Variants in CD109 observed in about 807,000 individuals in gnomAD.
The protein encoded by CD109 is CD109 antigen.
A neutral mutation model predicts 165.8 loss-of-function variants in CD109; 149 were observed. The observed-to-expected ratio is 0.90, with a 90% CI of 0.79 to 1.03. CD109 has a LOEUF of 1.03. Ranked by LOEUF, CD109 falls within the 50% of genes least tolerant of loss-of-function variation. The pLI is 0.00. For missense variants in CD109, 1,712 were observed against 1,677.8 expected, an observed-to-expected ratio of 1.02 and a Z score of -0.36; for synonymous variants, 585 against 592.1, an observed-to-expected ratio of 0.99 and a Z score of 0.18.
intron 30 of CD109, among the ~76,000 whole-genome samples, chr6:73,816,995 T>C (rs1007744218): frequency 2.0e-5 from 3 of 152,096 alleles, no homozygotes; most frequent in Non-Finnish European, 4.4e-5. Context: ...AGAAGGGAAA[T>C]GTTTTCATGT....
chr6:73,797,889 T>A (rs1185300119), intron 23 of CD109, among the ~76,000 whole-genome samples: 1 of 152,200 alleles, frequency 6.6e-6, no homozygotes, highest in East Asian at 1.9e-4. Context: ...TTCAGAAGTC[T>A]ATGAAAGTTC....
At chr6:73,772,638 A>G (rs1774083466) in intron 15 of CD109, among the ~76,000 whole-genome samples, 1 of 152,040 alleles carries the variant, frequency 6.6e-6, no homozygotes, top group Non-Finnish European at 1.5e-5. Context: ...CTAGCATTGC[A>G]TAAATGAATC....
chr6:73,727,881 A>G (rs775359290), intron 3 of CD109, among the ~76,000 whole-genome samples: 9 of 152,234 alleles, frequency 5.9e-5, no homozygotes, highest in Non-Finnish European at 1.2e-4. Flanking sequence ...TGATTCAAAG[A>G]GTCTGAGGAC....
In CD109 at chr6:73,700,790, G is replaced by GTTTTTTT. The variant is rs58140668; in HGVS notation, c.247+3241_247+3247dup. 4.5e-4 allele frequency among the ~76,000 whole-genome samples: 23 copies of GTTTTTTT among 51,480 alleles called. 1 individual carries two copies. Among genetic ancestry groups the GTTTTTTT allele is most frequent in the Non-Finnish European group, 6.5e-4 (18 of 27,714 alleles). The allele number at this position is 51,480 out of a possible 152,430, so 33.8% of individuals were successfully genotyped here. A position where few individuals can be genotyped will look rare whatever the true frequency, so the allele number is the denominator to read the frequency against. Reference sequence around the variant, plus strand: ...CTACATTTATTGGGGATTGATTGTAGTTTTTTTTTTTTTTTTTTTTTTTTT... The same window carrying GTTTTTTT: ...CTACATTTATTGGGGATTGATTGTAGTTTTTTTTTTTTTTTTTTTTTTTTTTTTTTTT... On this transcript the variant is annotated intron_variant, in intron 2 of 32. Coordinates refer to ENST00000287097, the MANE Select transcript of CD109 (RefSeq NM_133493.5).
intron 2 of CD109, among the ~76,000 whole-genome samples, chr6:73,707,965 TATATATATATATATATATATATATATA>T (rs1562021810): frequency 0.016 from 20 of 1,284 alleles, no homozygotes; most frequent in South Asian, 0.056. Flanking sequence ...GTTATCTTTA[TATATATATATATATATATATATATATA>T]TATATATATA....
intron 23 of CD109, among the ~76,000 whole-genome samples, chr6:73,799,009 CTTTTTTCTT>C (rs1483985915): frequency 6.6e-6 from 1 of 151,966 alleles, no homozygotes; most frequent in Non-Finnish European, 1.5e-5. Context: ...TCCTTTTCCT[CTTTTTTCTT>C]AGGTTGAATT....
At chr6:73,726,522 G>A (rs1006752513) in intron 3 of CD109, among the ~76,000 whole-genome samples, 1 of 152,050 alleles carries the variant, frequency 6.6e-6, no homozygotes, top group Non-Finnish European at 1.5e-5. Flanking sequence ...TTGGTAACTG[G>A]CATTATTCCT....
chr6:73,789,490 G>C (rs960188385), intron 22 of CD109, among the ~76,000 whole-genome samples: 7 of 151,238 alleles, frequency 4.6e-5, no homozygotes, highest in Non-Finnish European at 8.8e-5. Flanking sequence ...GTCTCGCTCT[G>C]TCGCCCAGGC....
chr6:73,785,099 A>G (rs554501621), intron 19 of CD109, among the ~76,000 whole-genome samples: 1 of 152,350 alleles, frequency 6.6e-6, no homozygotes, highest in African/African-American at 2.4e-5. Flanking sequence ...GGTTGTAATA[A>G]CCAAACAAAA....
At chr6:73,706,632 C>T (rs1015319751) in intron 2 of CD109, among the ~76,000 whole-genome samples, 3 of 152,090 alleles carry the variant, frequency 2.0e-5, no homozygotes, top group Non-Finnish European at 2.9e-5. Flanking sequence ...GACTTTCTTC[C>T]GTTGCAAGGC....
chr6:73,683,189 A>G, the CD109 span, among the ~76,000 whole-genome samples: 1 of 152,182 alleles, frequency 6.6e-6, no homozygotes, highest in Admixed American at 6.5e-5. Flanking sequence ...CCAAACTTCT[A>G]TGCTCTGTAT....
At chr6:73,689,558 C>G in the CD109 span, among the ~76,000 whole-genome samples, 1 of 152,084 alleles carries the variant, frequency 6.6e-6, no homozygotes, top group African/African-American at 2.4e-5. Flanking sequence ...TTTCTTATAT[C>G]CTTACACTAC....
Position 73,828,237 on chromosome 6 carries a change from T to C in CD109, c.*4604T>C, listed in dbSNP as rs1157560661. On this transcript the variant is annotated 3_prime_UTR_variant, in exon 33 of 33. Transcript: ENST00000287097. ...TTTAATTTTTAATGTTGTAATGTTA[T>C]GTTATTGTTAATTGTACTTTATTAT... 6.5e-6 allele frequency: 1 copy of C among 154,480 alleles called. No individual in the cohort carries two copies. Among genetic ancestry groups the C allele is most frequent in the African/African-American group, 2.4e-5 (1 of 41,522 alleles). The allele number at this position is 154,480 out of a possible 1,614,324, so 9.6% of individuals were successfully genotyped here. A position where few individuals can be genotyped will look rare whatever the true frequency, so the allele number is the denominator to read the frequency against.
intron 1 of CD109, 102 bp from the exon 2 acceptor site, chr6:73,697,298 C>T (rs1315068505): frequency 1.0e-6 from 1 of 979,986 alleles, no homozygotes; most frequent in Non-Finnish European, 1.5e-6. Context: ...CTGCAATTGG[C>T]GCAGTATGGA....
chr6:73,800,188 A>G (rs758556169), intron 23 of CD109, among the ~76,000 whole-genome samples: 6 of 152,140 alleles, frequency 3.9e-5, no homozygotes, highest in Non-Finnish European at 7.4e-5. Context: ...CACAGAAGAT[A>G]GTATATCTAT....
chr6:73,722,840 C>G (rs1384201874), intron 2 of CD109, among the ~76,000 whole-genome samples: 3 of 152,314 alleles, frequency 2.0e-5, no homozygotes, highest in African/African-American at 7.2e-5. Flanking sequence ...CCTGACATGA[C>G]TAATGCCTTC....
chr6:73,735,586 G>A, intron 4 of CD109, among the ~76,000 whole-genome samples: 1 of 152,146 alleles, frequency 6.6e-6, no homozygotes, highest in South Asian at 2.1e-4. Flanking sequence ...GATAAATGTT[G>A]CATGAAGGGA....
chr6:73,806,532 A>G (rs145136738), intron 24 of CD109, among the ~76,000 whole-genome samples: 1 of 151,762 alleles, frequency 6.6e-6, no homozygotes, highest in Admixed American at 6.7e-5. Flanking sequence ...AAAATAAAAT[A>G]AAATTAAATT....
At chr6:73,810,912 G>C in intron 27 of CD109, 80 bp from the exon 28 acceptor site, 1 of 1,382,328 alleles carries the variant, frequency 7.2e-7, no homozygotes, top group South Asian at 1.4e-5. Context: ...TGAATATCCA[G>C]CAACAAAATA....
Sources: gnomAD v4.1 joint callset for allele counts (sites outside exome capture counted in the v4.1 genomes callset) on GRCh38, gnomAD v4.1.1 for gene constraint, MANE v1.5 for transcripts, NCBI Gene and HGNC (gene_info 2026-07-23, HGNC 2026-07-21) for gene names.